The following XPO6 variants were observed in gnomAD, a reference collection of about 807,000 sequenced individuals.
The protein encoded by XPO6 is exportin-6.
In XPO6, 3 loss-of-function variants were observed where a neutral mutation model predicts 130.0. That is an observed-to-expected ratio of 0.02 (90% CI 0.01 to 0.06). The LOEUF is 0.06. Among genes scored for constraint, XPO6 ranks in the 10% least tolerant of loss-of-function variants. The pLI, the probability that XPO6 is intolerant of heterozygous loss-of-function variation, is 1.00. For missense variants in XPO6, 970 were observed against 1,393.0 expected (o/e 0.70, Z 4.83); for synonymous variants, 524 against 548.9 (o/e 0.95, Z 0.63).
chr16:28,147,321 G>C (rs2043001821), intron 8 of XPO6, among the ~76,000 whole-genome samples: 1 of 152,158 alleles, frequency 6.6e-6, no homozygotes, highest in Non-Finnish European at 1.5e-5. Context: ...CCAGCATTAT[G>C]AGAGGCCACG....
intron 1 of XPO6, among the ~76,000 whole-genome samples, chr16:28,202,717 G>T (rs1339869510): frequency 6.6e-6 from 1 of 152,210 alleles, no homozygotes; most frequent in African/African-American, 2.4e-5. Context: ...ATTTGATGTT[G>T]TCAGAACACT....
chr16:28,211,557 G>A lies in XPO6; in HGVS notation c.-189C>T, dbSNP rs1263405928. 2.0e-6 allele frequency: 1 copy of A among 488,604 alleles called. No homozygotes were observed. The allele number at this position is 488,604 out of a possible 1,614,324, so 30.3% of individuals were successfully genotyped here. On this transcript the variant is annotated 5_prime_UTR_variant, in exon 1 of 24. Coordinates refer to ENST00000304658, the MANE Select transcript of XPO6 (RefSeq NM_015171.4). ...GGGCCGCCCGGGTCGCCTCATCGGG[G>A]GACCCCGAGACAATTCATCCAGACC...
chr16:28,193,364 T>C (rs1419392259), intron 1 of XPO6, among the ~76,000 whole-genome samples: 3 of 152,112 alleles, frequency 2.0e-5, no homozygotes, highest in Non-Finnish European at 2.9e-5. Context: ...TGACTCTTCA[T>C]GGCCAATAGG....
intron 4 of XPO6, 116 bp from the exon 5 acceptor site, chr16:28,170,025 T>C: frequency 7.4e-7 from 1 of 1,344,878 alleles, no homozygotes; most frequent in Non-Finnish European, 1.0e-6. Context: ...TGAACATAAA[T>C]CAACACTTCA....
At chr16:28,196,235 G>A (rs777456311) in intron 1 of XPO6, among the ~76,000 whole-genome samples, 7 of 152,198 alleles carry the variant, frequency 4.6e-5, no homozygotes, top group Non-Finnish European at 1.0e-4. Flanking sequence ...TGCTGCCACA[G>A]ATGGATTTCT....
At chr16:28,151,292 C>T (rs768443976) in intron 8 of XPO6, among the ~76,000 whole-genome samples, 3 of 151,270 alleles carry the variant, frequency 2.0e-5, no homozygotes, top group Non-Finnish European at 4.4e-5. Context: ...TCCAAAAGCA[C>T]GTACAAGAAT....
intron 1 of XPO6, among the ~76,000 whole-genome samples, chr16:28,182,096 A>C (rs553256611): frequency 2.8e-4 from 42 of 152,332 alleles, no homozygotes; most frequent in Non-Finnish European, 4.7e-4. Context: ...AGCCAGCAGC[A>C]GTTGTGATTA....
intron 8 of XPO6, among the ~76,000 whole-genome samples, chr16:28,149,641 G>T (rs1207094322): frequency 2.6e-5 from 4 of 152,176 alleles, no homozygotes; most frequent in East Asian, 1.9e-4. Flanking sequence ...CACTGCACAG[G>T]TTTGTGGCCT....
intron 1 of XPO6, among the ~76,000 whole-genome samples, chr16:28,210,467 A>G (rs779516747): frequency 1.4e-4 from 21 of 152,360 alleles, no homozygotes; most frequent in Admixed American, 9.2e-4. Flanking sequence ...GCTGGAGCAG[A>G]TAAGGGTTCA....
intron 1 of XPO6, among the ~76,000 whole-genome samples, chr16:28,183,707 T>C (rs1160889483): frequency 6.6e-6 from 1 of 152,202 alleles, no homozygotes; most frequent in Non-Finnish European, 1.5e-5. Flanking sequence ...TTATTTGGTC[T>C]TAGATACCAA....
chr16:28,110,121 G>A (rs1461521169), intron 17 of XPO6, among the ~76,000 whole-genome samples: 1 of 152,150 alleles, frequency 6.6e-6, no homozygotes, highest in Non-Finnish European at 1.5e-5. Context: ...ACTGTGGAAT[G>A]AGGATAAGAC....
In XPO6 at chr16:28,106,132, C is replaced by T. The variant is rs765157125; in HGVS notation, c.2695G>A (p.Val899Met). ...AACACCTGGCCTGGCTCCTGGACCACCACCTGCAGGATCTTCAGAAACTTC... is the reference window on the plus strand; with the variant it reads ...AACACCTGGCCTGGCTCCTGGACCATCACCTGCAGGATCTTCAGAAACTTC... ...VEKFLKILQV[V>M]VQEPGQVFKP... Residue 899 changes from valine to methionine, a missense_variant, in exon 20 of 24, where the codon GTG (valine) becomes ATG (methionine). Transcript: ENST00000304658. This position sits in a 1 kb window ranked among gnomAD's most constrained non-coding sequence, Gnocchi z 4.2. 2 of 1,614,210 alleles carry T rather than the reference C, an allele frequency of 1.2e-6. No individual in the cohort carries two copies. The highest frequency in any genetic ancestry group is 1.7e-6 in the Non-Finnish European group (2 of 1,180,044).
intron 2 of XPO6, among the ~76,000 whole-genome samples, chr16:28,178,087 C>T (rs1461337408): frequency 6.6e-6 from 1 of 152,184 alleles, no homozygotes; most frequent in Non-Finnish European, 1.5e-5. Context: ...CCTTAGTCAC[C>T]TTGACCTGCT....
chr16:28,197,639 G>A (rs1469425933), intron 1 of XPO6, among the ~76,000 whole-genome samples: 1 of 151,938 alleles, frequency 6.6e-6, no homozygotes, highest in African/African-American at 2.4e-5. Context: ...AGACTAGGCC[G>A]GGCGCGGTGG....
chr16:28,187,760 TA>T (rs974928645), intron 1 of XPO6, among the ~76,000 whole-genome samples: 23 of 150,468 alleles, frequency 1.5e-4, no homozygotes, highest in Non-Finnish European at 2.5e-4. Flanking sequence ...TTCAAGACAG[TA>T]AAAGGAACAA....
chr16:28,121,845 G>A (rs910827372), intron 13 of XPO6, 83 bp from the exon 14 acceptor site: 6 of 889,352 alleles, frequency 6.7e-6, no homozygotes, highest in Admixed American at 1.8e-5. Flanking sequence ...TACCAGCAAA[G>A]AGCGTAAGGG....
intron 14 of XPO6, among the ~76,000 whole-genome samples, chr16:28,118,664 TA>T (rs1327677555): frequency 6.6e-6 from 1 of 152,242 alleles, no homozygotes; most frequent in Admixed American, 6.5e-5. Context: ...CCTAGCCTGT[TA>T]ATCACTTTGA....
chr16:28,184,697 G>C (rs930126861), intron 1 of XPO6, among the ~76,000 whole-genome samples: 12 of 151,676 alleles, frequency 7.9e-5, no homozygotes, highest in Admixed American at 7.2e-4. Flanking sequence ...TAAGTGTTCA[G>C]CCTCATTAGT....
chr16:28,156,454 A>T lies in XPO6; in HGVS notation c.717T>A (p.Asp239Glu), dbSNP rs779052398. 6.2e-7 allele frequency: 1 copy of T among 1,612,100 alleles called. No homozygotes were observed. The highest frequency in any genetic ancestry group is 8.5e-7 in the Non-Finnish European group (1 of 1,178,436). Reference protein sequence around the residue: ...KLLNQPIPILDVESEYICSLA... With the variant: ...KLLNQPIPILEVESEYICSLA... ...GGGAACAGATATACTCACTCTCCAC[A>T]TCAAGGATGGGAATTGGCTGATTCA... Residue 239 changes from aspartate to glutamate, a missense_variant, in exon 7 of 24, where the codon GAT (aspartate) becomes GAA (glutamate). By Grantham distance (45) the Asp-to-Glu change is conservative. Coordinates refer to ENST00000304658, the MANE Select transcript of XPO6 (RefSeq NM_015171.4).
Sources: allele counts gnomAD v4.1 joint callset (sites outside exome capture counted in the v4.1 genomes callset), GRCh38; gene constraint gnomAD v4.1.1; non-coding constraint Gnocchi (gnomAD v3.1); transcripts MANE v1.5; gene names NCBI Gene and HGNC (gene_info 2026-07-23, HGNC 2026-07-21).